Variants in IL1RAPL2 observed in about 807,000 individuals in gnomAD.
IL1RAPL2 encodes X-linked interleukin-1 receptor accessory protein-like 2.
Under a neutral mutation model 44.1 loss-of-function variants are expected in IL1RAPL2, and 3 were observed. The ratio of observed to expected loss-of-function variants is 0.07; its 90% CI spans 0.03 to 0.18. The LOEUF (loss-of-function observed/expected upper bound fraction) is 0.18. Ranked by LOEUF, IL1RAPL2 falls within the 10% of genes least tolerant of loss-of-function variation. The pLI, the probability that IL1RAPL2 is intolerant of heterozygous loss-of-function variation, is 1.00. For missense variants in IL1RAPL2, 391 were observed against 496.4 expected (o/e 0.79, Z 2.02); for synonymous variants, 181 against 178.8 (o/e 1.01, Z -0.10).
At chrX:105,217,698 C>G (rs1007763608) in intron 3 of IL1RAPL2, among the ~76,000 whole-genome samples, 1 of 112,084 alleles carries the variant, frequency 8.9e-6, no homozygotes, top group Non-Finnish European at 1.9e-5. Context: ...TTGGAACCAA[C>G]CCAAATGTCC....
At chrX:104,890,418 T>C (rs1923392424) in intron 2 of IL1RAPL2, among the ~76,000 whole-genome samples, 1 of 111,577 alleles carries the variant, frequency 9.0e-6, no homozygotes, top group Non-Finnish European at 1.9e-5. Context: ...CCACCAACAG[T>C]GTAAAAGTGT....
chrX:104,750,643 G>A (rs1021591040), intron 2 of IL1RAPL2, among the ~76,000 whole-genome samples: 5 of 110,781 alleles, frequency 4.5e-5, no homozygotes, highest in Admixed American at 1.9e-4. Context: ...TGACTTGGGC[G>A]TGCACTTGCC....
chrX:104,872,265 G>T (rs1161739918), intron 2 of IL1RAPL2, among the ~76,000 whole-genome samples: 1 of 111,987 alleles, frequency 8.9e-6, no homozygotes, highest in Non-Finnish European at 1.9e-5. Flanking sequence ...CTTAGGTGAT[G>T]AGGATCTAAT....
intron 2 of IL1RAPL2, among the ~76,000 whole-genome samples, chrX:105,139,380 A>T (rs1281287369): frequency 8.9e-6 from 1 of 111,748 alleles, no homozygotes; most frequent in African/African-American, 3.3e-5. Flanking sequence ...TGTGGAAGGG[A>T]TCAATGGGAC....
chrX:104,945,363 G>A (rs1025034242), intron 2 of IL1RAPL2, among the ~76,000 whole-genome samples: 1 of 110,917 alleles, frequency 9.0e-6, no homozygotes, highest in Non-Finnish European at 1.9e-5. Context: ...AAAATATTTA[G>A]TAAAGTCTCT....
intron 1 of IL1RAPL2, among the ~76,000 whole-genome samples, chrX:104,592,624 C>T (rs1373149364): frequency 9.0e-6 from 1 of 111,588 alleles, no homozygotes; most frequent in East Asian, 2.8e-4. Context: ...AACAGTCGCA[C>T]AGGATGTCAC....
In IL1RAPL2 at chrX:104,743,938, G is replaced by C. The variant is rs372704664; in HGVS notation, c.82+84943G>C. ...AAATCCAAGCCTAAGCAGGAAGCAA[G>C]CAGACAGCTTTGGTCTCATTAATGC... On this transcript the variant is annotated intron_variant, in intron 2 of 10. Coordinates refer to ENST00000372582, the MANE Select transcript of IL1RAPL2 (RefSeq NM_017416.2). Among the ~76,000 whole-genome samples the C allele has an allele frequency of 7.2e-5, 8 of 110,690 alleles. No homozygotes were observed. In the East Asian group the frequency reaches 2.3e-3, roughly 32 times the overall value.
chrX:105,115,737 C>T lies in IL1RAPL2; in HGVS notation c.83-79738C>T, dbSNP rs187907888. On this transcript the variant is annotated intron_variant, in intron 2 of 10. Transcript: ENST00000372582. ...CAGGTGGAGCCGCCTGCCAGTTATG[C>T]GCCTTGCGCCTGCACTCCTCAGCCC... 1.2e-3 allele frequency among the ~76,000 whole-genome samples: 141 copies of T among 113,109 alleles called. No homozygotes were observed. In the Middle Eastern group the frequency reaches 0.019, roughly 15 times the overall value.
At chrX:105,354,685 T>C (rs1425109672) in intron 5 of IL1RAPL2, among the ~76,000 whole-genome samples, 1 of 111,335 alleles carries the variant, frequency 9.0e-6, no homozygotes, top group Non-Finnish European at 1.9e-5. Context: ...TAAACAGTCA[T>C]GATCATTTTC....
rs1279813586 is a variant in IL1RAPL2, at chrX:105,740,357, T to A, written c.903-189T>A. 8.9e-5 allele frequency among the ~76,000 whole-genome samples: 10 copies of A among 111,798 alleles called. No individual in the cohort carries two copies. In the Admixed American group the frequency reaches 9.5e-4, roughly 11 times the overall value. ...TTATTCACTTCTTTTCTTTTCCATCTTATCTTCATGTCAAGAGCCACTTTT... is the reference window on the plus strand; with the variant it reads ...TTATTCACTTCTTTTCTTTTCCATCATATCTTCATGTCAAGAGCCACTTTT... On this transcript the variant is annotated intron_variant, in intron 7 of 10. Transcript: ENST00000372582.
intron 6 of IL1RAPL2, among the ~76,000 whole-genome samples, chrX:105,571,250 CTATT>C (rs1040661467): frequency 2.7e-5 from 3 of 111,188 alleles, no homozygotes; most frequent in Admixed American, 9.6e-5. Flanking sequence ...ATATGGATAT[CTATT>C]TAATAAAATC....
At chrX:105,070,997 A>T (rs969006221) in intron 2 of IL1RAPL2, among the ~76,000 whole-genome samples, 2 of 111,663 alleles carry the variant, frequency 1.8e-5, no homozygotes, top group Non-Finnish European at 3.8e-5. Context: ...GAGCACTTGA[A>T]ATGTGACTAG....
chrX:104,793,612 G>A (rs926171588), intron 2 of IL1RAPL2, among the ~76,000 whole-genome samples: 8 of 111,922 alleles, frequency 7.1e-5, no homozygotes, highest in African/African-American at 2.3e-4. Context: ...TGGGTAGGTG[G>A]CACAGTTGGA....
At chrX:105,066,399 G>C (rs1476156418) in intron 2 of IL1RAPL2, among the ~76,000 whole-genome samples, 2 of 111,732 alleles carry the variant, frequency 1.8e-5, no homozygotes, top group African/African-American at 3.3e-5. Context: ...CTGTGATAGT[G>C]ACTAAACTCA....
chrX:105,693,586 A>G (rs988333483), intron 6 of IL1RAPL2, among the ~76,000 whole-genome samples: 10 of 111,567 alleles, frequency 9.0e-5, no homozygotes, highest in East Asian at 2.8e-4. Flanking sequence ...AGCCAAATAA[A>G]CCTCTTTTCT....
chrX:105,042,744 C>T (rs1465709170), intron 2 of IL1RAPL2, among the ~76,000 whole-genome samples: 4 of 106,177 alleles, frequency 3.8e-5, no homozygotes, highest in Non-Finnish European at 7.7e-5. Context: ...ACCCAAAGGA[C>T]TATAAATCAT....
At chrX:104,649,917 A>T (rs981434179) in intron 1 of IL1RAPL2, among the ~76,000 whole-genome samples, 1 of 112,298 alleles carries the variant, frequency 8.9e-6, no homozygotes, top group African/African-American at 3.2e-5. Context: ...CTTGAAAGTC[A>T]TTGAAGCATA....
chrX:104,842,636 T>C (rs1391163478), intron 2 of IL1RAPL2, among the ~76,000 whole-genome samples: 2 of 112,493 alleles, frequency 1.8e-5, no homozygotes, highest in African/African-American at 6.5e-5. Flanking sequence ...GTTTTTCTTC[T>C]AACAGTCAGG....
intron 1 of IL1RAPL2, among the ~76,000 whole-genome samples, chrX:104,608,904 C>G (rs2148003386): frequency 9.0e-6 from 1 of 111,246 alleles, no homozygotes; most frequent in East Asian, 2.8e-4. Context: ...ATGATGCTAG[C>G]TGGTTGTTTT....
Sources: allele counts gnomAD v4.1 joint callset (sites outside exome capture counted in the v4.1 genomes callset), GRCh38; gene constraint gnomAD v4.1.1; transcripts MANE v1.5; gene names NCBI Gene and HGNC (gene_info 2026-07-23, HGNC 2026-07-21).